The following DTD1 variants were observed in gnomAD, a reference collection of about 807,000 sequenced individuals.
DTD1 encodes the protein D-tyrosyl-tRNA deacylase 1 homolog.
In DTD1, 13 loss-of-function variants were observed where a neutral mutation model predicts 25.6. The ratio of observed to expected loss-of-function variants is 0.51; its 90% CI spans 0.33 to 0.81. The LOEUF is 0.81. DTD1 is among the 30% of genes least tolerant of loss of function. The pLI, the probability that DTD1 is intolerant of heterozygous loss-of-function variation, is 0.02. For missense variants in DTD1, 193 were observed against 266.4 expected (o/e 0.72, Z 1.92); for synonymous variants, 110 against 103.6 (o/e 1.06, Z -0.37).
chr20:18,629,710 A>C (rs1414046079), intron 4 of DTD1, among the ~76,000 whole-genome samples: 1 of 152,104 alleles, frequency 6.6e-6, no homozygotes, highest in African/African-American at 2.4e-5. Flanking sequence ...TTATTAAAAA[A>C]AAGAGGTTTA....
chr20:18,736,387 C>T (rs768040108), intron 4 of DTD1, among the ~76,000 whole-genome samples: 17 of 152,182 alleles, frequency 1.1e-4, no homozygotes, highest in Non-Finnish European at 2.2e-4. Flanking sequence ...CACAAAGGTG[C>T]GCCCTCTGCC....
At chr20:18,712,439 C>T (rs1292529681) in intron 4 of DTD1, among the ~76,000 whole-genome samples, 9 of 152,008 alleles carry the variant, frequency 5.9e-5, no homozygotes, top group Admixed American at 5.9e-4. Context: ...TGACTCTAAT[C>T]CCATGATCAG....
chr20:18,708,252 T>TAATATA (rs1555801971), intron 4 of DTD1, among the ~76,000 whole-genome samples: 1 of 31,794 alleles, frequency 3.1e-5, no homozygotes, highest in Admixed American at 5.8e-4. Context: ...ATAATATATA[T>TAATATA]TATATATATA....
intron 2 of DTD1, among the ~76,000 whole-genome samples, chr20:18,595,781 C>A (rs1331950879): frequency 6.6e-6 from 1 of 152,176 alleles, no homozygotes; most frequent in African/African-American, 2.4e-5. Context: ...AAGAAGCAAT[C>A]TCAAAACAAC....
chr20:18,689,862 G>A (rs1467213181), intron 4 of DTD1, among the ~76,000 whole-genome samples: 1 of 8,222 alleles, frequency 1.2e-4, no homozygotes, highest in East Asian at 2.2e-3. Flanking sequence ...GCCGGGTATG[G>A]TGGCCCATGC....
rs1568676529 is a variant in DTD1 at position 18,708,206 on chromosome 20, TTTTATATATA to T, written c.478-35892_478-35883del. Among the ~76,000 whole-genome samples, 22 of 41,848 alleles carry T rather than the reference TTTTATATATA, an allele frequency of 5.3e-4. 1 individual carries two copies. Among genetic ancestry groups the T allele is most frequent in the Admixed American group, 1.7e-3 (4 of 2,316 alleles). 27.5% of individuals were successfully genotyped at this position (41,848 alleles called of 152,430 possible). Reference sequence around the variant, plus strand: ...ATTTTATATATATATTATATATATATTTTATATATATAATATATATATATTTTATATATAT... The same window carrying T: ...ATTTTATATATATATTATATATATATTAATATATATATATTTTATATATAT... On this transcript the variant is annotated intron_variant, in intron 4 of 5. Coordinates refer to ENST00000377452, the MANE Select transcript of DTD1 (RefSeq NM_080820.6).
chr20:18,657,663 A>G (rs1244675601), intron 4 of DTD1, among the ~76,000 whole-genome samples: 1 of 152,258 alleles, frequency 6.6e-6, no homozygotes, highest in African/African-American at 2.4e-5. Context: ...AGATATGTCT[A>G]TTAGTCATCT....
At chr20:18,758,174 T>G (rs909098019) in intron 5 of DTD1, among the ~76,000 whole-genome samples, 1 of 152,190 alleles carries the variant, frequency 6.6e-6, no homozygotes, top group African/African-American at 2.4e-5. Flanking sequence ...TCTTCTTTAT[T>G]AGTCTTGCTA....
intron 3 of DTD1, 132 bp downstream of exon 3, chr20:18,596,373 A>G: frequency 2.8e-6 from 2 of 715,980 alleles, no homozygotes; most frequent in South Asian, 3.8e-5. Context: ...TTAGAACCAC[A>G]TACTAGCTGC....
chr20:18,664,237 A>G (rs567529103), intron 4 of DTD1, among the ~76,000 whole-genome samples: 1 of 152,308 alleles, frequency 6.6e-6, no homozygotes, highest in Non-Finnish European at 1.5e-5. Flanking sequence ...AACAGAGTTC[A>G]TGTTGTGTAT....
At chr20:18,723,859 C>T (rs1445312123) in intron 4 of DTD1, among the ~76,000 whole-genome samples, 1 of 152,182 alleles carries the variant, frequency 6.6e-6, no homozygotes, top group Non-Finnish European at 1.5e-5. Flanking sequence ...TGTATTAGAT[C>T]ACATAACCAA....
chr20:18,731,009 G>C (rs2061237705), intron 4 of DTD1, among the ~76,000 whole-genome samples: 1 of 152,142 alleles, frequency 6.6e-6, no homozygotes, highest in African/African-American at 2.4e-5. Context: ...CATATAGTTT[G>C]TCAGTGTCTT....
At chr20:18,676,933 T>G (rs1041233596) in intron 4 of DTD1, among the ~76,000 whole-genome samples, 15 of 152,188 alleles carry the variant, frequency 9.9e-5, no homozygotes, top group African/African-American at 3.6e-4. Flanking sequence ...AACTCACATT[T>G]ACCAGCTCCT....
chr20:18,718,086 G>C (rs2061188461), intron 4 of DTD1, among the ~76,000 whole-genome samples: 1 of 152,158 alleles, frequency 6.6e-6, no homozygotes, highest in South Asian at 2.1e-4. Context: ...ATTAGAGTTA[G>C]ATTTTTCTTA....
At chr20:18,667,584 G>A (rs920801419) in intron 4 of DTD1, among the ~76,000 whole-genome samples, 1 of 152,180 alleles carries the variant, frequency 6.6e-6, no homozygotes, top group Non-Finnish European at 1.5e-5. Flanking sequence ...GCATACAGCG[G>A]GTGTTTTTTT....
intron 5 of DTD1, among the ~76,000 whole-genome samples, chr20:18,759,576 A>G (rs946711972): frequency 3.3e-5 from 5 of 152,156 alleles, no homozygotes; most frequent in Non-Finnish European, 7.3e-5. Context: ...ACTCTCTTCT[A>G]GCTTGTAGAG....
In DTD1 at chr20:18,647,371, T is replaced by C. The variant is rs139658813; in HGVS notation, c.477+19138T>C. ...GTCCCTTAGTGAGATGGAAGTCACA[T>C]TGGGGCAGTTCCGAGAGGATGTTAT... On this transcript the variant is annotated intron_variant, in intron 4 of 5. Coordinates refer to ENST00000377452, the MANE Select transcript of DTD1 (RefSeq NM_080820.6). Among the ~76,000 whole-genome samples, 6 of 152,306 alleles carry C rather than the reference T, an allele frequency of 3.9e-5. No individual in the cohort carries two copies. In the East Asian group the frequency reaches 9.7e-4, roughly 25 times the overall value.
chr20:18,623,582 A>T (rs1180932791), intron 3 of DTD1, among the ~76,000 whole-genome samples: 2 of 152,130 alleles, frequency 1.3e-5, no homozygotes, highest in African/African-American at 4.8e-5. Context: ...CTGCTCTATC[A>T]GCAAATCCTG....
At chr20:18,608,467 T>TA (rs2060671734) in intron 3 of DTD1, among the ~76,000 whole-genome samples, 1 of 152,198 alleles carries the variant, frequency 6.6e-6, no homozygotes, top group Non-Finnish European at 1.5e-5. Context: ...TAATTTTTGT[T>TA]ATTGCTTTTC....
Sources: allele counts gnomAD v4.1 joint callset (sites outside exome capture counted in the v4.1 genomes callset), GRCh38; gene constraint gnomAD v4.1.1; transcripts MANE v1.5; gene names NCBI Gene and HGNC (gene_info 2026-07-23, HGNC 2026-07-21).